HECW1: variants seen among roughly 807,000 people sequenced by gnomAD.
The protein encoded by HECW1 is E3 ubiquitin-protein ligase HECW1.
A neutral mutation model predicts 182.3 loss-of-function variants in HECW1; 61 were observed. That is an observed-to-expected ratio of 0.33 (90% CI 0.27 to 0.41). The LOEUF (loss-of-function observed/expected upper bound fraction) is 0.41. HECW1 is among the 10% of genes least tolerant of loss of function. The pLI is 1.00. For missense variants in HECW1, 1,739 were observed against 2,108.9 expected, an observed-to-expected ratio of 0.82 and a Z score of 3.44; for synonymous variants, 859 against 832.6, an observed-to-expected ratio of 1.03 and a Z score of -0.55.
intron 5 of HECW1, among the ~76,000 whole-genome samples, chr7:43,333,711 A>C (rs914094184): frequency 3.3e-5 from 5 of 152,172 alleles, no homozygotes; most frequent in Non-Finnish European, 7.3e-5. Flanking sequence ...TTTCCTATAG[A>C]TGCCCCTGAG....
chr7:43,321,281 A>C (rs904170858), intron 5 of HECW1, among the ~76,000 whole-genome samples: 1 of 152,132 alleles, frequency 6.6e-6, no homozygotes, highest in Non-Finnish European at 1.5e-5. Context: ...TAATCTACTG[A>C]CATTTCTGAA....
intron 2 of HECW1, among the ~76,000 whole-genome samples, chr7:43,210,428 C>T (rs1337449975): frequency 2.7e-5 from 4 of 147,566 alleles, no homozygotes; most frequent in African/African-American, 1.0e-4. Context: ...ATAGAAGACT[C>T]AAGAAGGATC....
At chr7:43,486,812 A>G (rs1399914989) in intron 17 of HECW1, among the ~76,000 whole-genome samples, 1 of 152,214 alleles carries the variant, frequency 6.6e-6, no homozygotes, top group Non-Finnish European at 1.5e-5. Context: ...ATAATTCCCC[A>G]TCTGGAGACA....
intron 5 of HECW1, among the ~76,000 whole-genome samples, chr7:43,334,154 C>CTCCT (rs1811837183): frequency 6.6e-6 from 1 of 152,192 alleles, no homozygotes; most frequent in South Asian, 2.1e-4. Context: ...AAAGTCCTGC[C>CTCCT]TGAACATTGT....
chr7:43,144,299 AC>A (rs1338451046), intron 2 of HECW1, among the ~76,000 whole-genome samples: 2 of 152,122 alleles, frequency 1.3e-5, no homozygotes, highest in Non-Finnish European at 2.9e-5. Flanking sequence ...ATCACTGTTG[AC>A]CTTAATCACT....
intron 7 of HECW1, among the ~76,000 whole-genome samples, chr7:43,397,680 A>G (rs189302762): frequency 1.9e-4 from 29 of 152,256 alleles, no homozygotes; most frequent in African/African-American, 7.0e-4. Flanking sequence ...CACAAAATAC[A>G]TTATTGCAAG....
chr7:43,143,902 A>G (rs1788431048), intron 2 of HECW1, among the ~76,000 whole-genome samples: 1 of 152,240 alleles, frequency 6.6e-6, no homozygotes. Context: ...ACTCAGGAGT[A>G]TAACTCATAA....
At chr7:43,220,483 G>A (rs1796847205) in intron 2 of HECW1, among the ~76,000 whole-genome samples, 1 of 152,166 alleles carries the variant, frequency 6.6e-6, no homozygotes, top group African/African-American at 2.4e-5. Context: ...ACGTGACTCA[G>A]AGACACAACA....
Position 43,417,024 on chromosome 7 carries a change from G to C in HECW1, c.801+9293G>C, listed in dbSNP as rs184939282. ...ACGCTGGGAGCTGTAGACCGGAGCT[G>C]TTCCTATTCGGCCATCTTGGCTCCT... On this transcript the variant is annotated intron_variant, in intron 8 of 29. Coordinates refer to ENST00000395891, the MANE Select transcript of HECW1 (RefSeq NM_015052.5). Among the ~76,000 whole-genome samples, 16 of 152,290 alleles carry C rather than the reference G, an allele frequency of 1.1e-4. No homozygotes were observed. In the South Asian group the frequency reaches 2.3e-3, roughly 22 times the overall value.
At position 43,562,861 on chromosome 7, in the gene HECW1, C is replaced by T. The variant is rs575909398; in HGVS notation, c.*935C>T. ...TTGGTTTGAATCCCTGAGTTCTGTA[C>T]TGTTCTGTTTTGTTTAGTCTAGCCA... On this transcript the variant is annotated 3_prime_UTR_variant, in exon 30 of 30. Transcript: ENST00000395891. 3.2e-4 allele frequency: 70 copies of T among 217,978 alleles called. No individual in the cohort carries two copies. Among genetic ancestry groups the T allele is most frequent in the African/African-American group, 1.3e-3 (59 of 44,556 alleles). 13.5% of individuals were successfully genotyped at this position (217,978 alleles called of 1,614,324 possible).
intron 2 of HECW1, among the ~76,000 whole-genome samples, chr7:43,120,047 G>C (rs1785430712): frequency 6.6e-6 from 1 of 152,196 alleles, no homozygotes; most frequent in South Asian, 2.1e-4. Flanking sequence ...TAGGTGCTGG[G>C]ATGTAGCAGG....
At position 43,456,404 on chromosome 7, in the gene HECW1, C is replaced by T. The variant is rs1450880245; in HGVS notation, c.2608C>T (p.Arg870Trp). 8.7e-6 allele frequency: 14 copies of T among 1,613,918 alleles called. No individual in the cohort carries two copies. The highest frequency in any genetic ancestry group is 3.3e-5 in the Admixed American group (2 of 59,976). The change falls in exon 13 of 30, where the codon CGG (arginine) becomes TGG (tryptophan). Residue 870 changes from arginine to tryptophan, a missense_variant. Arg to Trp is a moderately radical substitution (Grantham distance 101, BLOSUM62 -3). This residue lies in a region of HECW1 where 971 missense variants were observed against 1,029.1 expected (regional missense o/e 0.94). Coordinates refer to ENST00000395891, the MANE Select transcript of HECW1 (RefSeq NM_015052.5). ...PTAAATPDGM[R>W]RSGSIQQMEQ... Reference sequence around the variant, plus strand: ...GGCAGCAGCCACCCCGGATGGCATGCGGAGATCGGGGTCCATCCAGCAGAT... The same window carrying T: ...GGCAGCAGCCACCCCGGATGGCATGTGGAGATCGGGGTCCATCCAGCAGAT...
At chr7:43,437,340 G>A (rs1224158408) in intron 8 of HECW1, among the ~76,000 whole-genome samples, 1 of 151,262 alleles carries the variant, frequency 6.6e-6, no homozygotes, top group African/African-American at 2.5e-5. Context: ...AACAGTTTTG[G>A]GTTTTTCTCC....
intron 5 of HECW1, among the ~76,000 whole-genome samples, chr7:43,348,566 G>C (rs774966492): frequency 1.3e-5 from 2 of 151,584 alleles, no homozygotes; most frequent in Admixed American, 6.6e-5. Context: ...GTTTGGGTTT[G>C]GTTTGTTCTT....
At chr7:43,416,147 G>C (rs10251401) in intron 8 of HECW1, among the ~76,000 whole-genome samples, 54,616 of 147,752 alleles carry the variant, frequency 0.37, 10,345 homozygotes, top group Middle Eastern at 0.46. Flanking sequence ...GTTTTTTCCC[G>C]ATCTTTGTGG....
chr7:43,181,388 T>A (rs1361838005), intron 2 of HECW1, among the ~76,000 whole-genome samples: 2 of 150,992 alleles, frequency 1.3e-5, no homozygotes, highest in Non-Finnish European at 2.9e-5. Flanking sequence ...CATATAGTAG[T>A]TCTATTTTAA....
chr7:43,398,205 C>T (rs1247989199), intron 7 of HECW1, among the ~76,000 whole-genome samples: 6 of 151,852 alleles, frequency 4.0e-5, no homozygotes, highest in African/African-American at 4.8e-5. Flanking sequence ...TGCAGTGAGC[C>T]GAGATTGCAC....
intron 3 of HECW1, among the ~76,000 whole-genome samples, chr7:43,291,246 C>A (rs999535505): frequency 9.9e-5 from 15 of 152,194 alleles, no homozygotes; most frequent in African/African-American, 3.4e-4. Flanking sequence ...AAAGGAAAAG[C>A]AGACATATTT....
intron 6 of HECW1, among the ~76,000 whole-genome samples, chr7:43,381,675 C>T (rs1407584909): frequency 6.6e-6 from 1 of 152,070 alleles, no homozygotes; most frequent in Non-Finnish European, 1.5e-5. Context: ...AGGCATGTGC[C>T]ACCACACCCA....
Sources: allele counts gnomAD v4.1 joint callset (sites outside exome capture counted in the v4.1 genomes callset), GRCh38; gene constraint gnomAD v4.1.1; regional missense constraint gnomAD v4.1.1; transcripts MANE v1.5; gene names NCBI Gene and HGNC (gene_info 2026-07-23, HGNC 2026-07-21).